Variants in EYS observed in about 807,000 individuals in gnomAD.
The protein encoded by EYS is EGF-like photoreceptor maintenance factor, also known as protein eyes shut homolog.
EYS carries 250 observed loss-of-function variants against 282.1 expected under a neutral mutation model. The observed-to-expected ratio is 0.89, with a 90% confidence interval of 0.80 to 0.98. EYS has a LOEUF of 0.98. EYS is among the 50% of genes least tolerant of loss of function. The pLI is 0.00. For synonymous variants in EYS, 1,355 were observed against 1,282.9 expected (o/e 1.06, Z -1.20); for missense variants, 4,016 against 3,709.0 (o/e 1.08, Z -2.15).
intron 30 of EYS, among the ~76,000 whole-genome samples, chr6:64,235,366 T>C (rs540920683): frequency 1.3e-5 from 2 of 152,064 alleles, no homozygotes; most frequent in Non-Finnish European, 1.5e-5. Flanking sequence ...TGTGATAGTT[T>C]ACTGAGAATG....
intron 31 of EYS, among the ~76,000 whole-genome samples, chr6:64,154,192 G>T (rs1440077948): frequency 6.6e-6 from 1 of 152,110 alleles, no homozygotes; most frequent in Non-Finnish European, 1.5e-5. Context: ...TGTAATCCCA[G>T]CACTTTGGGA....
intron 22 of EYS, among the ~76,000 whole-genome samples, chr6:64,632,922 A>C (rs1767839760): frequency 6.6e-6 from 1 of 152,142 alleles, no homozygotes; most frequent in Non-Finnish European, 1.5e-5. Context: ...GCTTTGTTGC[A>C]GAGACTGTGA....
intron 28 of EYS, among the ~76,000 whole-genome samples, chr6:64,435,610 AGCATT>A: frequency 6.6e-6 from 1 of 151,934 alleles, no homozygotes; most frequent in African/African-American, 2.4e-5. Flanking sequence ...ATAACAAAAA[AGCATT>A]ACATCTATAT....
chr6:64,100,523 T>G (rs1035933043), intron 31 of EYS, among the ~76,000 whole-genome samples: 1 of 152,156 alleles, frequency 6.6e-6, no homozygotes, highest in Admixed American at 6.6e-5. Flanking sequence ...GCATTTTGCC[T>G]GGGGAGCTCA....
At chr6:64,119,820 A>G (rs1366034718) in intron 31 of EYS, among the ~76,000 whole-genome samples, 2 of 152,216 alleles carry the variant, frequency 1.3e-5, no homozygotes, top group Non-Finnish European at 2.9e-5. Context: ...CAGGACAACT[A>G]TCCTGGAGAG....
chr6:63,734,862 G>A (rs1768870057), intron 41 of EYS, among the ~76,000 whole-genome samples: 1 of 152,112 alleles, frequency 6.6e-6, no homozygotes, highest in Non-Finnish European at 1.5e-5. Flanking sequence ...AAGCAACAGA[G>A]ATCGGTAAGG....
At chr6:65,491,427 C>CATG in intron 4 of EYS, 1 of 311,908 alleles carries the variant, frequency 3.2e-6, no homozygotes, top group South Asian at 2.8e-5. Flanking sequence ...AAACCAACTG[C>CATG]ATGTAATTTG....
At chr6:65,019,264 G>T (rs746583769) in intron 13 of EYS, among the ~76,000 whole-genome samples, 1 of 151,964 alleles carries the variant, frequency 6.6e-6, no homozygotes, top group Non-Finnish European at 1.5e-5. Context: ...TTTTTCTCAC[G>T]TTTCTAAAAA....
intron 14 of EYS, among the ~76,000 whole-genome samples, chr6:64,993,398 T>C (rs1234461826): frequency 1.3e-5 from 2 of 151,586 alleles, no homozygotes; most frequent in African/African-American, 4.8e-5. Flanking sequence ...TACGCAGCCA[T>C]AAAAAATGAT....
chr6:64,617,661 T>C (rs1767317259), intron 23 of EYS, 128 bp from the exon 24 acceptor site: 1 of 642,730 alleles, frequency 1.6e-6, no homozygotes, highest in Non-Finnish European at 2.8e-6. Flanking sequence ...ACAAATTACC[T>C]CAGTGTATCT....
intron 30 of EYS, among the ~76,000 whole-genome samples, chr6:64,289,751 A>AAATG (rs962598543): frequency 5.0e-4 from 76 of 152,186 alleles, no homozygotes; most frequent in Non-Finnish European, 6.3e-4. Context: ...TACTGTGAAT[A>AAATG]AATGAATGAA....
chr6:63,984,442 C>T lies in EYS; in HGVS notation c.6996G>A (p.Glu2332=), dbSNP rs1767257760. 1.3e-6 allele frequency: 2 copies of T among 1,549,528 alleles called. No individual in the cohort carries two copies. The highest frequency in any genetic ancestry group is 1.7e-6 in the Non-Finnish European group (2 of 1,145,602). Residue 2332 remains glutamate (E), a synonymous_variant, in exon 35 of 43, where the codon GAG becomes GAA. Coordinates refer to ENST00000503581, the MANE Select transcript of EYS (RefSeq NM_001142800.2). The part of the protein sequence containing the change: ...IDEARHGKNI[E]NCHVPWCAHH... Reference sequence around the variant, plus strand: ...GAGCACACCAAGGGACGTGGCAGTTCTCAATATTCTTTCCATGTCGTGCTT... The same window carrying T: ...GAGCACACCAAGGGACGTGGCAGTTTTCAATATTCTTTCCATGTCGTGCTT...
intron 22 of EYS, among the ~76,000 whole-genome samples, chr6:64,675,310 C>T (rs62418019): frequency 1.3e-3 from 202 of 152,136 alleles, no homozygotes; most frequent in African/African-American, 4.5e-3. Context: ...GCTGTCTTCC[C>T]TGACTTCAGT....
intron 35 of EYS, among the ~76,000 whole-genome samples, chr6:63,868,651 T>C (rs935688516): frequency 5.3e-5 from 8 of 152,162 alleles, no homozygotes; most frequent in Admixed American, 3.3e-4. Context: ...TCGGCTCTGA[T>C]AGCACCACAG....
At position 64,350,971 on chromosome 6, in the gene EYS, C is replaced by T. The variant is rs1166100166; in HGVS notation, c.6078+37719G>A. ...TCACTTGGCACTTGTCTCCTGCTGC[C>T]ATGTGTAGAAGGATGTGTTTGCTTC... On this transcript the variant is annotated intron_variant, in intron 29 of 42. Transcript: ENST00000503581. Among the ~76,000 whole-genome samples, 4 of 151,396 alleles carry T rather than the reference C, an allele frequency of 2.6e-5. No homozygotes were observed. The East Asian group carries it at 7.8e-4, about 30-fold the overall frequency.
chr6:63,731,716 A>G (rs1420814366), intron 41 of EYS, among the ~76,000 whole-genome samples: 1 of 152,192 alleles, frequency 6.6e-6, no homozygotes, highest in Non-Finnish European at 1.5e-5. Flanking sequence ...AGTTTGAGCT[A>G]GAAATCAAGC....
chr6:65,394,188 A>G (rs993728002), intron 7 of EYS, among the ~76,000 whole-genome samples: 1 of 151,972 alleles, frequency 6.6e-6, no homozygotes, highest in Non-Finnish European at 1.5e-5. Flanking sequence ...AGAATATTGG[A>G]GTCATTGCAT....
At chr6:64,099,512 A>C (rs1199484603) in intron 31 of EYS, among the ~76,000 whole-genome samples, 2 of 152,218 alleles carry the variant, frequency 1.3e-5, no homozygotes, top group Non-Finnish European at 2.9e-5. Context: ...ACTGTATCAC[A>C]ATTCAATCTA....
intron 5 of EYS, among the ~76,000 whole-genome samples, chr6:65,426,440 GT>G (rs1767666372): frequency 2.0e-5 from 3 of 151,958 alleles, no homozygotes; most frequent in African/African-American, 7.2e-5. Flanking sequence ...TATCTTTAAT[GT>G]CTAAAAAAAC....
Sources: allele counts gnomAD v4.1 joint callset (sites outside exome capture counted in the v4.1 genomes callset), GRCh38; gene constraint gnomAD v4.1.1; transcripts MANE v1.5; gene names NCBI Gene and HGNC (gene_info 2026-07-23, HGNC 2026-07-21).